AFAP1: variants seen among roughly 807,000 people sequenced by gnomAD.
AFAP1 encodes the protein actin filament associated protein 1.
Under a neutral mutation model 93.9 loss-of-function variants are expected in AFAP1, and 75 were observed. That is an observed-to-expected ratio of 0.80 (90% confidence interval 0.66 to 0.97). The LOEUF is 0.97. AFAP1 is among the 50% of genes least tolerant of loss of function. AFAP1 has a pLI of 0.00. For synonymous variants in AFAP1, 517 were observed against 430.7 expected (o/e 1.20, Z -2.48); for missense variants, 1,201 against 1,050.8 (o/e 1.14, Z -1.98).
intron 5 of AFAP1, chr4:7,842,687 A>T (rs1033023694): frequency 1.2e-4 from 17 of 136,652 alleles, no homozygotes; most frequent in East Asian, 4.2e-4. Flanking sequence ...TCTCAAATTT[A>T]AAAAAAAAAA....
At chr4:7,889,115 A>T (rs1014729089) in intron 1 of AFAP1, among the ~76,000 whole-genome samples, 3 of 152,190 alleles carry the variant, frequency 2.0e-5, no homozygotes, top group African/African-American at 2.4e-5. Flanking sequence ...TAGCAAATTA[A>T]ATTAAATAAT....
intron 1 of AFAP1, among the ~76,000 whole-genome samples, chr4:7,882,299 C>T (rs1717897201): frequency 6.6e-6 from 1 of 152,008 alleles, no homozygotes; most frequent in Non-Finnish European, 1.5e-5. Context: ...AACACCAGAC[C>T]CAGGTAGTTT....
intron 6 of AFAP1, among the ~76,000 whole-genome samples, chr4:7,827,526 G>C (rs964140215): frequency 3.9e-5 from 5 of 128,670 alleles, no homozygotes; most frequent in Admixed American, 2.8e-4. Context: ...AGCAGAGATA[G>C]TGCCATTGCA....
chr4:7,824,537 G>A (rs371268846), intron 6 of AFAP1, among the ~76,000 whole-genome samples: 2 of 152,212 alleles, frequency 1.3e-5, no homozygotes, highest in African/African-American at 4.8e-5. Flanking sequence ...GCACGAGTAT[G>A]TGCAAAGTCA....
At position 7,919,725 on chromosome 4, in the gene AFAP1, T is replaced by C. The variant is rs1410282616; in HGVS notation, c.-3+19931A>G. Among the ~76,000 whole-genome samples, 3 of 152,102 alleles carry C rather than the reference T, an allele frequency of 2.0e-5. No individual in the cohort carries two copies. In the East Asian group the frequency reaches 5.8e-4, roughly 29 times the overall value. On this transcript the variant is annotated intron_variant, in intron 1 of 17. Transcript: ENST00000420658. ...GTGTGCCATGGTGGTTTGCTGCACCTATCAACCCATCACCTAGGTATTGAG... is the reference window on the plus strand; with the variant it reads ...GTGTGCCATGGTGGTTTGCTGCACCCATCAACCCATCACCTAGGTATTGAG...
At chr4:7,860,866 C>T (rs1224535913) in intron 3 of AFAP1, among the ~76,000 whole-genome samples, 1 of 152,198 alleles carries the variant, frequency 6.6e-6, no homozygotes. Context: ...AGACTCTCCT[C>T]CCCGCGCCCA....
At chr4:7,829,062 G>A (rs932145399) in intron 6 of AFAP1, among the ~76,000 whole-genome samples, 9 of 152,124 alleles carry the variant, frequency 5.9e-5, no homozygotes, top group East Asian at 1.9e-4. Flanking sequence ...CTTTTGCTCC[G>A]CACTTCTCTC....
intron 17 of AFAP1, among the ~76,000 whole-genome samples, chr4:7,765,934 C>G (rs540867276): frequency 3.9e-5 from 6 of 152,206 alleles, no homozygotes; most frequent in African/African-American, 1.4e-4. Context: ...TTCTTCTCTG[C>G]GCCCGCCCAG....
chr4:7,912,346 A>G (rs1384682257), intron 1 of AFAP1, among the ~76,000 whole-genome samples: 1 of 152,196 alleles, frequency 6.6e-6, no homozygotes, highest in Non-Finnish European at 1.5e-5. Context: ...TCCTATGGCA[A>G]TTGCACATTT....
intron 2 of AFAP1, 133 bp downstream of exon 2, chr4:7,871,819 G>A: frequency 7.7e-7 from 1 of 1,296,350 alleles, no homozygotes; most frequent in Non-Finnish European, 1.1e-6. Flanking sequence ...AACCCTCAAT[G>A]AAAACTTGAT....
At chr4:7,858,753 C>G (rs1378467393) in intron 3 of AFAP1, among the ~76,000 whole-genome samples, 1 of 152,180 alleles carries the variant, frequency 6.6e-6, no homozygotes, top group Non-Finnish European at 1.5e-5. Context: ...CAAGACTCCA[C>G]GTGCCCATTC....
At chr4:7,818,998 G>C in intron 7 of AFAP1, 78 bp downstream of exon 7, 1 of 1,296,832 alleles carries the variant, frequency 7.7e-7, no homozygotes, top group Non-Finnish European at 1.0e-6. Flanking sequence ...AATTCTCAGA[G>C]ATTGTTATCA....
chr4:7,868,927 AAAAGAGAAAGAG>A (rs549538142), intron 2 of AFAP1, among the ~76,000 whole-genome samples: 4 of 152,098 alleles, frequency 2.6e-5, no homozygotes, highest in Non-Finnish European at 2.9e-5. Flanking sequence ...GAAAGAAAAG[AAAAGAGAAAGAG>A]AAAGAGAAAG....
At chr4:7,819,359 G>GTCTA (rs776354522) in intron 6 of AFAP1, among the ~76,000 whole-genome samples, 188 bp from the exon 7 acceptor site, 1 of 152,196 alleles carries the variant, frequency 6.6e-6, no homozygotes, top group Non-Finnish European at 1.5e-5. Flanking sequence ...TTCACCCAAA[G>GTCTA]TCTATCAACG....
chr4:7,766,922 T>C (rs749878230), intron 17 of AFAP1, among the ~76,000 whole-genome samples: 10 of 151,802 alleles, frequency 6.6e-5, no homozygotes, highest in Non-Finnish European at 1.2e-4. Flanking sequence ...TGGAAGGTAT[T>C]TCAGGAATAC....
intron 2 of AFAP1, among the ~76,000 whole-genome samples, chr4:7,871,042 C>T (rs772473303): frequency 4.0e-4 from 61 of 152,160 alleles, no homozygotes; most frequent in Non-Finnish European, 7.6e-4. Context: ...AACTGCCCCT[C>T]GGACCTTCCA....
At chr4:7,781,230 A>G (rs925037999) in intron 13 of AFAP1, 146 bp downstream of exon 13, 9 of 1,042,778 alleles carry the variant, frequency 8.6e-6, no homozygotes, top group Non-Finnish European at 1.2e-5. Flanking sequence ...CTTGGTAGTC[A>G]GGCTGCAAAT....
chr4:7,768,379 G>C (rs1021752150), intron 17 of AFAP1, among the ~76,000 whole-genome samples: 1 of 152,224 alleles, frequency 6.6e-6, no homozygotes, highest in East Asian at 1.9e-4. Flanking sequence ...AGGTTCCTCC[G>C]AGGCCCTCAG....
At chr4:7,819,025 C>T (rs372528779) in intron 7 of AFAP1, 51 bp downstream of exon 7, 69 of 1,464,636 alleles carry the variant, frequency 4.7e-5, no homozygotes, top group Non-Finnish European at 4.6e-5. Context: ...GAAAGAGACC[C>T]CAATCCACTG....
Sources: gnomAD v4.1 joint callset for allele counts (sites outside exome capture counted in the v4.1 genomes callset) on GRCh38, gnomAD v4.1.1 for gene constraint, MANE v1.5 for transcripts, NCBI Gene and HGNC (gene_info 2026-07-23, HGNC 2026-07-21) for gene names.